IFT172: variants seen among roughly 807,000 people sequenced by gnomAD.
IFT172 encodes intraflagellar transport 172.
IFT172 carries 164 observed loss-of-function variants against 248.9 expected under a neutral mutation model. The observed-to-expected ratio is 0.66, with a 90% confidence interval of 0.58 to 0.75. IFT172 has a LOEUF of 0.75. IFT172 is among the 30% of genes least tolerant of loss of function. The pLI is 0.00. For missense variants in IFT172, 1,950 were observed against 2,192.4 expected (o/e 0.89, Z 2.21); for synonymous variants, 729 against 791.6 (o/e 0.92, Z 1.33).
chr2:27,470,901 T>C, intron 16 of IFT172, 27 bp downstream of exon 16: 1 of 1,553,090 alleles, frequency 6.4e-7, no homozygotes, highest in Non-Finnish European at 8.7e-7. Context: ...CAATACCACA[T>C]CTGAGGGCCC....
chr2:27,471,621 GA>G (rs1667578077), intron 15 of IFT172: 1 of 162,808 alleles, frequency 6.1e-6, no homozygotes, highest in Non-Finnish European at 1.3e-5. Context: ...TAGGCATGAG[GA>G]GGAGGAATGC....
chr2:27,449,126 AG>A (rs1665428162), intron 39 of IFT172, 95 bp from the exon 40 acceptor site: 1 of 1,069,052 alleles, frequency 9.4e-7, no homozygotes, highest in Non-Finnish European at 1.5e-6. Context: ...GAGGGGAAAA[AG>A]GGTGTACGCA....
At chr2:27,477,493 T>A in intron 12 of IFT172, 66 bp downstream of exon 12, 1 of 1,319,056 alleles carries the variant, frequency 7.6e-7, no homozygotes, top group Non-Finnish European at 1.1e-6. Flanking sequence ...CAACTTGCCA[T>A]CTTTATGACA....
chr2:27,455,572 G>T (rs542074072), intron 30 of IFT172: 40 of 210,118 alleles, frequency 1.9e-4, no homozygotes, highest in Admixed American at 5.9e-4. Context: ...TTAGCCGGGC[G>T]TGGTGGCGGG....
At position 27,449,720 on chromosome 2, in the gene IFT172, C is replaced by T. The variant is rs753976145; in HGVS notation, c.4131G>A (p.Ala1377=). 36 of 1,613,822 alleles carry T rather than the reference C, an allele frequency of 2.2e-5. No individual in the cohort carries two copies. The highest frequency in any genetic ancestry group is 2.8e-5 in the Non-Finnish European group (33 of 1,179,764). The change falls in exon 37 of 48, where the codon GCG becomes GCA. Residue 1377 remains alanine, a synonymous_variant. Coordinates refer to ENST00000260570, the MANE Select transcript of IFT172 (RefSeq NM_015662.3). The stretch of plus-strand genomic sequence containing the variant: ...GATCTAACTCCTTAGCTACACGCTT[C>T]GCCTTGTTCCACTCCTCACCCTCGA... The part of the protein sequence containing the change: ...AFIEGEEWNK[A]KRVAKELDPR...
chr2:27,448,079 ATTTATT>A, intron 40 of IFT172, among the ~76,000 whole-genome samples, 157 bp from the exon 41 acceptor site: 2 of 151,810 alleles, frequency 1.3e-5, no homozygotes, highest in Middle Eastern at 3.4e-3. Context: ...TTTTATTTTT[ATTTATT>A]TTTATTTTTT....
In IFT172 at chr2:27,470,978, C is replaced by T. The variant is rs1338644209; in HGVS notation, c.1642G>A (p.Val548Ile). The T allele has an allele frequency of 6.2e-7, 1 of 1,613,678 alleles. No individual in the cohort carries two copies. The highest frequency in any genetic ancestry group is 1.3e-5 in the African/African-American group (1 of 74,898). Reference sequence around the variant, plus strand: ...TCAGGTGCCTCAATGTTGTACCATACACACAGACTGTTTCGGTTCTGAGCT... The same window carrying T: ...TCAGGTGCCTCAATGTTGTACCATATACACAGACTGTTTCGGTTCTGAGCT... ...LVAQNRNSLC[V>I]WYNIEAPERV... The change falls in exon 16 of 48, where the codon GTA becomes ATA. Residue 548 changes from valine (V) to isoleucine (I), a missense_variant. Physicochemically the swap from Val to Ile is conservative, Grantham distance 29. This residue lies in a region of IFT172 where 1,166 missense variants were observed against 1,254.1 expected (regional missense o/e 0.93). Coordinates refer to ENST00000260570, the MANE Select transcript of IFT172 (RefSeq NM_015662.3).
Position 27,459,408 on chromosome 2 carries a change from G to C in IFT172, c.2757C>G (p.Ala919=), listed in dbSNP as rs753315911. ...ACTCCTGCAGGGATGCATAGTGTTG[G>C]GCCACGAGAGGATAGTATTTGGATG... ...NTASKYYPLV[A]QHYASLQEYE... Residue 919 remains alanine (A), a synonymous_variant, in exon 25 of 48, where the codon GCC becomes GCG. Transcript: ENST00000260570. 6 of 1,613,998 alleles carry C rather than the reference G, an allele frequency of 3.7e-6. No homozygotes were observed. Among genetic ancestry groups the C allele is most frequent in the Non-Finnish European group, 5.1e-6 (6 of 1,180,032 alleles).
intron 19 of IFT172, 32 bp downstream of exon 19, chr2:27,463,061 GAGAC>G (rs890168034): frequency 1.1e-5 from 18 of 1,601,458 alleles, no homozygotes; most frequent in Non-Finnish European, 1.5e-5. Flanking sequence ...ATCAGCTTGG[GAGAC>G]AGACAGAATG....
chr2:27,470,936 T>C lies in IFT172; in HGVS notation c.1684A>G (p.Thr562Ala). The stretch of plus-strand genomic sequence containing the variant: ...CCTAGTGTCCAACATACCCTAATAG[T>C]GAACATGGTGACTCTCTCAGGTGCC... ...IEAPERVTMF[T>A]IRGDVIGLER... Residue 562 changes from threonine to alanine, a missense_variant, in exon 16 of 48, where the codon ACT (threonine) becomes GCT (alanine). Thr to Ala is a moderately conservative substitution (Grantham distance 58). This residue lies in a region of IFT172 where 1,166 missense variants were observed against 1,254.1 expected (regional missense o/e 0.93). Coordinates refer to ENST00000260570, the MANE Select transcript of IFT172 (RefSeq NM_015662.3). The C allele has an allele frequency of 6.2e-7, 1 of 1,603,388 alleles. No individual in the cohort carries two copies. The highest frequency in any genetic ancestry group is 1.1e-5 in the South Asian group (1 of 89,186).
chr2:27,489,512 G>A, intron 1 of IFT172, 103 bp downstream of exon 1: 1 of 824,146 alleles, frequency 1.2e-6, no homozygotes, highest in Admixed American at 2.3e-5. Flanking sequence ...ATCCCTTACA[G>A]CCTTCTGCAC....
rs1668564066 is a variant in IFT172 at position 27,483,902 on chromosome 2, G to A, written c.372C>T (p.Tyr124=). The A allele has an allele frequency of 6.2e-7, 1 of 1,613,738 alleles. No homozygotes were observed. Among genetic ancestry groups the A allele is most frequent in the East Asian group, 2.2e-5 (1 of 44,888 alleles). The change falls in exon 5 of 48, where the codon TAC becomes TAT. Residue 124 remains tyrosine (Y), a synonymous_variant. Coordinates refer to ENST00000260570, the MANE Select transcript of IFT172 (RefSeq NM_015662.3). ...CTTCAGCCAGTCCAAAGACAATGAT[G>A]TATTCTGCCGGCCATTGCAGACAAG... The part of the protein sequence containing the change: ...AVTCLQWPAE[Y]IIVFGLAEGK...
At chr2:27,447,442 G>A in intron 42 of IFT172, 73 bp downstream of exon 42, 1 of 1,556,990 alleles carries the variant, frequency 6.4e-7, no homozygotes, top group Non-Finnish European at 8.7e-7. Flanking sequence ...TCCAGAACGT[G>A]AATCAATTCA....
At chr2:27,476,118 T>C (rs1057467141) in intron 14 of IFT172, among the ~76,000 whole-genome samples, 4 of 152,254 alleles carry the variant, frequency 2.6e-5, no homozygotes, top group African/African-American at 4.8e-5. Context: ...ATACAAAAAA[T>C]AAGACCTCTT....
Position 27,472,262 on chromosome 2 carries a change from G to T in IFT172, c.1512C>A (p.Asp504Glu), listed in dbSNP as rs746321444. The change falls in exon 15 of 48, where the codon GAC becomes GAA. Residue 504 changes from aspartate to glutamate, a missense_variant. Around this residue, in one of 3 missense-constraint regions of IFT172, gnomAD observed 1,166 missense variants for 1,254.1 expected, o/e 0.93. Transcript: ENST00000260570. The stretch of plus-strand genomic sequence containing the variant: ...TAGCTCTTCTCACACGAAGTTTCCG[G>T]TCCCTGAAGAGGAGCTTGTGTCCAG... ...NETGHKLLFR[D>E]RKLRLHLYDI... The T allele has an allele frequency of 1.9e-6, 3 of 1,613,702 alleles. No individual in the cohort carries two copies. The African/African-American group carries it at 4.0e-5, about 22-fold the overall frequency.
chr2:27,463,058 T>C (rs767070358), intron 19 of IFT172, 39 bp downstream of exon 19: 36 of 1,601,706 alleles, frequency 2.2e-5, no homozygotes, highest in Non-Finnish European at 3.0e-5. Context: ...GAAATCAGCT[T>C]GGGAGACAGA....
chr2:27,466,535 AC>A (rs1191058008), intron 16 of IFT172, among the ~76,000 whole-genome samples: 2 of 152,156 alleles, frequency 1.3e-5, no homozygotes, highest in Non-Finnish European at 2.9e-5. Flanking sequence ...CAGAAGCAAG[AC>A]CGAATCATCA....
chr2:27,451,991 A>G (rs765827175), intron 35 of IFT172, among the ~76,000 whole-genome samples: 144 of 44,908 alleles, frequency 3.2e-3, no homozygotes, highest in African/African-American at 0.012. Flanking sequence ...GTGTGTGTGT[A>G]TATATATATA....
chr2:27,468,636 T>G lies in IFT172; in HGVS notation c.1692+2292A>C, dbSNP rs192379836. On this transcript the variant is annotated intron_variant, in intron 16 of 47. Transcript: ENST00000260570. ...ATGCTGAGGCGGGCAGATCACGAGG[T>G]CAGGAGATCAAGACCATCCTGGCTA... Among the ~76,000 whole-genome samples the G allele has an allele frequency of 4.8e-3, 733 of 151,246 alleles. 4 individuals carry two copies. The Middle Eastern group carries it at 0.061, about 13-fold the overall frequency.
Sources: allele counts gnomAD v4.1 joint callset (sites outside exome capture counted in the v4.1 genomes callset), GRCh38; gene constraint gnomAD v4.1.1; regional missense constraint gnomAD v4.1.1; transcripts MANE v1.5; gene names NCBI Gene and HGNC (gene_info 2026-07-23, HGNC 2026-07-21).